The following NAV2 variants were observed in gnomAD, a reference collection of about 807,000 sequenced individuals.
NAV2 encodes helicase, APC down-regulated 1.
In NAV2, 54 loss-of-function variants were observed where a neutral mutation model predicts 223.2. The ratio of observed to expected loss-of-function variants is 0.24; its 90% confidence interval spans 0.19 to 0.30. The LOEUF is 0.30. NAV2 is among the 10% of genes least tolerant of loss of function. NAV2 has a pLI of 1.00. For synonymous variants in NAV2, 1,279 were observed against 1,239.3 expected, an observed-to-expected ratio of 1.03 and a Z score of -0.67; for missense variants, 2,806 against 3,147.5, an observed-to-expected ratio of 0.89 and a Z score of 2.60.
chr11:19,437,491 C>T (rs1386485999), intron 1 of NAV2, among the ~76,000 whole-genome samples: 1 of 152,120 alleles, frequency 6.6e-6, no homozygotes, highest in Non-Finnish European at 1.5e-5. Context: ...CTTCTGTCCT[C>T]TTGTCTTTCT....
At chr11:20,027,301 G>T in intron 11 of NAV2, 2 of 979,394 alleles carry the variant, frequency 2.0e-6, no homozygotes, top group Non-Finnish European at 2.4e-6. Flanking sequence ...CGTTCCGCTC[G>T]GGCCCCGGGG....
At chr11:19,911,523 C>T (rs1422457635) in intron 6 of NAV2, among the ~76,000 whole-genome samples, 1 of 152,148 alleles carries the variant, frequency 6.6e-6, no homozygotes, top group Admixed American at 6.5e-5. Context: ...TTTGTGAGGG[C>T]AGGGAGCATG....
At chr11:19,747,402 A>G (rs560083723) in intron 1 of NAV2, among the ~76,000 whole-genome samples, 2 of 152,302 alleles carry the variant, frequency 1.3e-5, no homozygotes, top group Non-Finnish European at 2.9e-5. Context: ...AATTATACCT[A>G]ATATATAGCT....
chr11:20,097,898 C>T (rs2061386455), intron 31 of NAV2, among the ~76,000 whole-genome samples, 153 bp downstream of exon 31: 1 of 152,118 alleles, frequency 6.6e-6, no homozygotes, highest in South Asian at 2.1e-4. Context: ...GCAAGTTGAA[C>T]CGTCTTTTGC....
intron 1 of NAV2, among the ~76,000 whole-genome samples, chr11:19,570,109 A>G (rs1286053697): frequency 6.6e-6 from 1 of 152,062 alleles, no homozygotes; most frequent in African/African-American, 2.4e-5. Flanking sequence ...TACCTACATT[A>G]TTGGAGATGA....
intron 1 of NAV2, among the ~76,000 whole-genome samples, chr11:19,786,762 C>G (rs1355761691): frequency 6.6e-6 from 1 of 152,142 alleles, no homozygotes; most frequent in African/African-American, 2.4e-5. Context: ...CCCTACTGTC[C>G]AGTTTACAAC....
intron 1 of NAV2, among the ~76,000 whole-genome samples, chr11:19,720,988 C>T (rs760530608): frequency 2.6e-5 from 4 of 152,180 alleles, no homozygotes; most frequent in Non-Finnish European, 2.9e-5. Context: ...GAACAAGGCA[C>T]CTGTTTAAGC....
intron 3 of NAV2, among the ~76,000 whole-genome samples, chr11:19,861,414 T>G (rs889099730): frequency 6.6e-6 from 1 of 151,980 alleles, no homozygotes; most frequent in Non-Finnish European, 1.5e-5. Flanking sequence ...CTTTGGAATG[T>G]CCTGTCCTTA....
At chr11:20,077,926 G>C in intron 23 of NAV2, 67 bp from the exon 24 acceptor site, 1 of 1,299,814 alleles carries the variant, frequency 7.7e-7, no homozygotes, top group East Asian at 2.4e-5. Flanking sequence ...TTGAAGCCAA[G>C]TTGTACTTCA....
chr11:20,110,718 A>C (rs542207726), intron 36 of NAV2, among the ~76,000 whole-genome samples: 3 of 152,134 alleles, frequency 2.0e-5, no homozygotes, highest in Non-Finnish European at 4.4e-5. Flanking sequence ...TTCATTTGAC[A>C]AAAGGATTCC....
chr11:19,431,185 C>A (rs562410942), intron 1 of NAV2, among the ~76,000 whole-genome samples: 1 of 152,352 alleles, frequency 6.6e-6, no homozygotes, highest in East Asian at 1.9e-4. Context: ...AAGAGTGCAT[C>A]CCTTCAAGCT....
intron 10 of NAV2, among the ~76,000 whole-genome samples, chr11:19,976,355 G>A (rs557693091): frequency 2.6e-5 from 4 of 152,214 alleles, no homozygotes; most frequent in East Asian, 1.9e-4. Context: ...TGCAGACAGC[G>A]ACTCCCACGC....
rs1411742542 is a variant in NAV2 at position 19,832,474 on chromosome 11, T to TG, written c.268-10_268-9insG. On this transcript the variant is annotated splice_polypyrimidine_tract_variant and intron_variant, in intron 1 of 37. Coordinates refer to ENST00000349880, the MANE Select transcript of NAV2 (RefSeq NM_145117.5). ...GGCTTCCTAAAGTTGCCTGTTTGCT[T>TG]TTTTTACAGATCTACACAGACTGGG... 6.3e-7 allele frequency: 1 copy of TG among 1,583,744 alleles called. No individual in the cohort carries two copies. The highest frequency in any genetic ancestry group is 1.5e-5 in the African/African-American group (1 of 65,726).
intron 1 of NAV2, among the ~76,000 whole-genome samples, chr11:19,738,977 A>C (rs1319693945): frequency 6.6e-6 from 1 of 152,084 alleles, no homozygotes; most frequent in African/African-American, 2.4e-5. Context: ...AAACATATAC[A>C]AATCACTAGC....
At chr11:19,394,539 C>T (rs1849375093) in intron 1 of NAV2, among the ~76,000 whole-genome samples, 2 of 152,318 alleles carry the variant, frequency 1.3e-5, no homozygotes, top group South Asian at 4.1e-4. Flanking sequence ...CTTGTCTTCT[C>T]AGAGCTTAGA....
intron 4 of NAV2, among the ~76,000 whole-genome samples, chr11:19,876,923 AATATATTTAT>A (rs1279202504): frequency 5.4e-5 from 8 of 147,256 alleles, no homozygotes; most frequent in African/African-American, 1.2e-4. Flanking sequence ...ATAAACATTA[AATATATTTAT>A]ATATATTTAT....
intron 1 of NAV2, among the ~76,000 whole-genome samples, chr11:19,382,699 A>T (rs1848890600): frequency 6.6e-6 from 1 of 152,212 alleles, no homozygotes. Context: ...ACATTGTTCT[A>T]AGTGCTTCTA....
At chr11:20,038,882 C>T (rs1054293170) in intron 12 of NAV2, among the ~76,000 whole-genome samples, 1 of 152,192 alleles carries the variant, frequency 6.6e-6, no homozygotes, top group African/African-American at 2.4e-5. Context: ...TCTGGAAAAC[C>T]TAAGAAACAG....
At position 19,713,904 on chromosome 11, in the gene NAV2, C is replaced by A; in HGVS notation, c.209C>A (p.Ala70Glu). 1 of 1,613,506 alleles carries A rather than the reference C, an allele frequency of 6.2e-7. No homozygotes were observed. The highest frequency in any genetic ancestry group is 8.5e-7 in the Non-Finnish European group (1 of 1,179,954). Reference sequence around the variant, plus strand: ...GTGCTGCAGGGGCTGCAGGAGCCAGCGGGGGAGGGGCTCCCGCTGCGGAAG... The same window carrying A: ...GTGCTGCAGGGGCTGCAGGAGCCAGAGGGGGAGGGGCTCCCGCTGCGGAAG... ...SQVLQGLQEPAGEGLPLRKSG... is the reference protein window; with the variant it reads ...SQVLQGLQEPEGEGLPLRKSG... Residue 70 changes from alanine (A) to glutamate (E), a missense_variant, in exon 1 of 38, where the codon GCG (alanine) becomes GAG (glutamate). By Grantham distance (107) the Ala-to-Glu change is moderately radical (BLOSUM62 -1). Coordinates refer to ENST00000349880, the MANE Select transcript of NAV2 (RefSeq NM_145117.5). The surrounding 1 kb of genome is among the most constrained non-coding windows in gnomAD (Gnocchi z 7.2).
Sources: allele counts gnomAD v4.1 joint callset (sites outside exome capture counted in the v4.1 genomes callset), GRCh38; gene constraint gnomAD v4.1.1; non-coding constraint Gnocchi (gnomAD v3.1); transcripts MANE v1.5; gene names NCBI Gene and HGNC (gene_info 2026-07-23, HGNC 2026-07-21).